The following DCT variants were observed in gnomAD, a reference collection of about 807,000 sequenced individuals.
DCT encodes the protein L-dopachrome tautomerase.
Under a neutral mutation model 53.0 loss-of-function variants are expected in DCT, and 47 were observed. The ratio of observed to expected loss-of-function variants is 0.89; its 90% confidence interval spans 0.70 to 1.13. The LOEUF (loss-of-function observed/expected upper bound fraction) is 1.13, where lower values mean the gene tolerates loss of function less well. Ranked by LOEUF, DCT falls within the 50% of genes most tolerant of loss-of-function variation. The pLI is 0.00. For synonymous variants in DCT, 244 were observed against 237.0 expected (o/e 1.03, Z -0.27); for missense variants, 669 against 637.4 (o/e 1.05, Z -0.53).
chr13:94,537,139 T>C, the DCT span, among the ~76,000 whole-genome samples: 1 of 152,242 alleles, frequency 6.6e-6, no homozygotes, highest in Non-Finnish European at 1.5e-5. Context: ...ATTGAATTGG[T>C]AATTGGCGGA....
At chr13:94,481,270 T>A (rs1442583513), upstream of DCT, among the ~76,000 whole-genome samples, 1 of 152,206 alleles carries the variant, frequency 6.6e-6, no homozygotes, top group Non-Finnish European at 1.5e-5. Context: ...CCAGACAAAG[T>A]CACATTCACA....
At chr13:94,472,903 T>G (rs1339950996) in intron 1 of DCT, among the ~76,000 whole-genome samples, 1 of 152,102 alleles carries the variant, frequency 6.6e-6, no homozygotes. Context: ...ATTGTGTTAT[T>G]ATTACTAGTA....
rs1406045437 is a variant in DCT, at chr13:94,439,742, C to T, written c.*156G>A. ...AAACAAGCAAGCAAAGCGGAAACTA[C>T]AGCTAAGCATCTTCTGAATGAGATC... On this transcript the variant is annotated 3_prime_UTR_variant, in exon 8 of 8. Transcript: ENST00000377028. 7.5e-6 allele frequency: 4 copies of T among 536,522 alleles called. No homozygotes were observed. Among genetic ancestry groups the T allele is most frequent in the Non-Finnish European group, 9.4e-6 (3 of 319,204 alleles). The allele number at this position is 536,522 out of a possible 1,614,324, so 33.2% of individuals were successfully genotyped here.
the DCT span, among the ~76,000 whole-genome samples, chr13:94,518,441 C>T: frequency 6.6e-6 from 1 of 152,332 alleles, no homozygotes; most frequent in African/African-American, 2.4e-5. Flanking sequence ...AAACTTACAT[C>T]TACATGTTCC....
intron 1 of DCT, among the ~76,000 whole-genome samples, chr13:94,477,349 A>G (rs1271757100): frequency 6.6e-6 from 1 of 152,148 alleles, no homozygotes; most frequent in African/African-American, 2.4e-5. Flanking sequence ...CACCCACTTC[A>G]GCCTTCCAAA....
chr13:94,503,066 T>G, the DCT span, among the ~76,000 whole-genome samples: 2 of 152,258 alleles, frequency 1.3e-5, no homozygotes, highest in African/African-American at 4.8e-5. Context: ...TCACTTTATT[T>G]GGAAATAAAG....
chr13:94,513,799 C>A, the DCT span, among the ~76,000 whole-genome samples: 1 of 151,894 alleles, frequency 6.6e-6, no homozygotes. Flanking sequence ...CTAGCCTGAC[C>A]AACATGGTGA....
chr13:94,512,738 A>T, the DCT span, among the ~76,000 whole-genome samples: 1 of 152,210 alleles, frequency 6.6e-6, no homozygotes, highest in Admixed American at 6.5e-5. Flanking sequence ...ACACACATAT[A>T]TACATACACA....
chr13:94,523,408 C>T, the DCT span, among the ~76,000 whole-genome samples: 1 of 152,178 alleles, frequency 6.6e-6, no homozygotes, highest in East Asian at 1.9e-4. Context: ...CTACATGCCC[C>T]TCACCTATGG....
the DCT span, among the ~76,000 whole-genome samples, chr13:94,536,760 T>A: frequency 1.3e-5 from 2 of 152,038 alleles, no homozygotes; most frequent in Non-Finnish European, 2.9e-5. Context: ...CTGGCCAACA[T>A]GGTGAAACCC....
At chr13:94,490,545 T>A in the DCT span, among the ~76,000 whole-genome samples, 1 of 107,924 alleles carries the variant, frequency 9.3e-6, no homozygotes, top group East Asian at 2.5e-4. Flanking sequence ...CTAACCATGG[T>A]GTCTGTGTCT....
upstream of DCT, among the ~76,000 whole-genome samples, chr13:94,481,518 G>A (rs555925175): frequency 6.6e-6 from 1 of 152,252 alleles, no homozygotes; most frequent in Admixed American, 6.5e-5. Context: ...TAAATGTTAA[G>A]ATAAAATTTC....
chr13:94,482,464 C>T (rs898158979), upstream of DCT, among the ~76,000 whole-genome samples: 10 of 152,146 alleles, frequency 6.6e-5, no homozygotes, highest in Admixed American at 3.9e-4. Flanking sequence ...TATTTTAACA[C>T]GTCTACAGCC....
chr13:94,493,813 A>G, the DCT span, among the ~76,000 whole-genome samples: 1 of 152,186 alleles, frequency 6.6e-6, no homozygotes, highest in Non-Finnish European at 1.5e-5. Context: ...TGATACTGTA[A>G]CAGTGAATGC....
chr13:94,513,940 T>A, the DCT span, among the ~76,000 whole-genome samples: 1 of 135,780 alleles, frequency 7.4e-6, no homozygotes, highest in East Asian at 2.2e-4. Flanking sequence ...TAAGCCAAGA[T>A]CGTGCCATTG....
the DCT span, among the ~76,000 whole-genome samples, chr13:94,503,821 A>G: frequency 3.3e-5 from 5 of 152,230 alleles, no homozygotes; most frequent in Non-Finnish European, 5.9e-5. Flanking sequence ...GCAGCCCTAG[A>G]AAACTAATAC....
intron 2 of DCT, 37 bp downstream of exon 2, chr13:94,468,709 C>A (rs1884391778): frequency 6.3e-7 from 1 of 1,580,478 alleles, no homozygotes; most frequent in African/African-American, 1.4e-5. Flanking sequence ...AATCACAAAC[C>A]TGTAATAATA....
At chr13:94,509,236 T>C in the DCT span, among the ~76,000 whole-genome samples, 57,657 of 151,970 alleles carry the variant, frequency 0.38, 11,412 homozygotes, top group East Asian at 0.61. Context: ...TGTGAACTTT[T>C]CTCCTTTTTC....
intron 1 of DCT, among the ~76,000 whole-genome samples, chr13:94,473,094 T>C (rs1194165045): frequency 6.6e-6 from 1 of 152,092 alleles, no homozygotes; most frequent in African/African-American, 2.4e-5. Flanking sequence ...CAATGAATAA[T>C]TGAATAAAAG....
Sources: allele counts gnomAD v4.1 joint callset (sites outside exome capture counted in the v4.1 genomes callset), GRCh38; gene constraint gnomAD v4.1.1; transcripts MANE v1.5; gene names NCBI Gene and HGNC (gene_info 2026-07-23, HGNC 2026-07-21).